Variants in CCDC47 observed in about 807,000 individuals in gnomAD.
The protein encoded by CCDC47 is PAT complex subunit CCDC47.
In CCDC47, 41 loss-of-function variants were observed where a neutral mutation model predicts 60.5. The observed-to-expected ratio is 0.68, with a 90% CI of 0.53 to 0.88. The LOEUF is 0.88. Among genes scored for constraint, CCDC47 ranks in the 40% least tolerant of loss-of-function variants. The pLI, the probability that CCDC47 is intolerant of heterozygous loss-of-function variation, is 0.00. For synonymous variants in CCDC47, 195 were observed against 190.7 expected (o/e 1.02, Z -0.18); for missense variants, 513 against 580.9 (o/e 0.88, Z 1.20).
chr17:63,757,204 A>C (rs916246048), intron 6 of CCDC47, among the ~76,000 whole-genome samples: 15 of 151,396 alleles, frequency 9.9e-5, no homozygotes, highest in African/African-American at 3.2e-4. Context: ...GTACAAAAAA[A>C]AAAAAAAAGA....
In CCDC47 at chr17:63,765,990, A is replaced by G. The variant is rs2039294961; in HGVS notation, c.186T>C (p.Asp62=). The G allele has an allele frequency of 6.2e-7, 1 of 1,613,970 alleles. No homozygotes were observed. Among genetic ancestry groups the G allele is most frequent in the South Asian group, 1.1e-5 (1 of 91,090 alleles). Residue 62 remains aspartate, a synonymous_variant, in exon 2 of 13, where the codon GAT becomes GAC. Transcript: ENST00000225726. ...ACTCCACAGTGGTCTCATCTTCATC[A>G]TCTTCAGTGATTATGACCCGTTGAG... is the stretch of plus-strand genomic sequence containing the variant. ...ESPQRVIITE[D]DEDETTVELE...
chr17:63,772,313 G>C (rs1480136822), intron 1 of CCDC47, among the ~76,000 whole-genome samples: 1 of 145,062 alleles, frequency 6.9e-6, no homozygotes, highest in Non-Finnish European at 1.5e-5. Flanking sequence ...GAGTGCAGTG[G>C]CACGATCTCG....
intron 4 of CCDC47, chr17:63,761,628 C>T (rs1244588218): frequency 2.2e-5 from 5 of 222,576 alleles, no homozygotes; most frequent in Admixed American, 1.7e-4. Flanking sequence ...ACCCGGCAGG[C>T]GGAGGTTGCA....
intron 1 of CCDC47, among the ~76,000 whole-genome samples, chr17:63,772,250 G>GTTTTTTT (rs34509265): frequency 1.1e-5 from 1 of 90,534 alleles, no homozygotes; most frequent in Non-Finnish European, 2.0e-5. Context: ...TGTACCAAGG[G>GTTTTTTT]TTTTTTTTTT....
rs752125567 is a variant in CCDC47, at chr17:63,746,834, A to G, written c.*47T>C. The G allele has an allele frequency of 1.1e-5, 15 of 1,382,070 alleles. No individual in the cohort carries two copies. Among genetic ancestry groups the G allele is most frequent in the East Asian group, 6.9e-5 (3 of 43,726 alleles). 85.6% of individuals were successfully genotyped at this position (1,382,070 alleles called of 1,614,324 possible). A position where few individuals can be genotyped will look rare whatever the true frequency, so the allele number is the denominator to read the frequency against. On this transcript the variant is annotated 3_prime_UTR_variant, in exon 13 of 13. Transcript: ENST00000225726. ...CTGGCGTTTTTCATGTTTCCTGTGA[A>G]TTCAGAGCTTACAGGTGGCATCAGA...
chr17:63,757,888 G>A (rs1234548154), intron 6 of CCDC47, among the ~76,000 whole-genome samples: 1 of 152,072 alleles, frequency 6.6e-6, no homozygotes, highest in Non-Finnish European at 1.5e-5. Flanking sequence ...TTAGCCTCAG[G>A]ATGGTGCCGA....
chr17:63,764,064 A>T lies in CCDC47; in HGVS notation c.499T>A (p.Trp167Arg). 6.2e-7 allele frequency: 1 copy of T among 1,612,622 alleles called. No homozygotes were observed. Among genetic ancestry groups the T allele is most frequent in the Non-Finnish European group, 8.5e-7 (1 of 1,179,702 alleles). Residue 167 changes from tryptophan to arginine, a missense_variant, in exon 4 of 13, where the codon TGG becomes AGG. Coordinates refer to ENST00000225726, the MANE Select transcript of CCDC47 (RefSeq NM_020198.3). ...AAAAGCTCCCTATGAGTGTTAAACC[A>T]GGCCTGTGCAAGGCGACTGTTTTTA... The part of the protein sequence containing the change: ...KNKNSRLAQA[W>R]FNTHRELLES...
intron 4 of CCDC47, 175 bp from the exon 5 acceptor site, chr17:63,761,526 A>AG (rs1364430598): frequency 2.0e-5 from 9 of 459,148 alleles, no homozygotes; most frequent in Non-Finnish European, 3.3e-5. Context: ...CTAAAAAAAA[A>AG]AAAAAAAAAA....
chr17:63,761,624 C>T, intron 4 of CCDC47: 1 of 229,886 alleles, frequency 4.3e-6, no homozygotes, highest in Non-Finnish European at 8.1e-6. Context: ...TTGAACCCGG[C>T]AGGCGGAGGT....
At position 63,768,675 on chromosome 17, in the gene CCDC47, C is replaced by T. The variant is rs920740279; in HGVS notation, c.-19-2481G>A. Among the ~76,000 whole-genome samples the T allele has an allele frequency of 2.0e-5, 3 of 152,032 alleles. 1 individual carries two copies. Among genetic ancestry groups the T allele is most frequent in the Admixed American group, 2.0e-4 (3 of 15,250 alleles). On this transcript the variant is annotated intron_variant, in intron 1 of 12. Transcript: ENST00000225726. ...TGCTAATGCATTCCAGCCTGGGTGA[C>T]AGTGAAACGTGCCTCAAAACAAAAC...
In CCDC47 at chr17:63,765,704, C is replaced by A. The variant is rs1002473782; in HGVS notation, c.264+208G>T. The stretch of plus-strand genomic sequence containing the variant: ...CAGTATCTATTCTCTAACCCCTCTT[C>A]CAGTCAGGGTTTCAATAGAAGAACA... On this transcript the variant is annotated intron_variant, in intron 2 of 12. Transcript: ENST00000225726. 1.1e-5 allele frequency: 15 copies of A among 1,381,000 alleles called. No homozygotes were observed. The East Asian group carries it at 3.8e-4, about 35-fold the overall frequency. The allele number at this position is 1,381,000 out of a possible 1,614,324, so 85.5% of individuals were successfully genotyped here.
intron 12 of CCDC47, chr17:63,751,681 T>A (rs965027598): frequency 7.0e-6 from 4 of 569,146 alleles, no homozygotes; most frequent in African/African-American, 5.6e-5. Context: ...CGAAAACTGA[T>A]AATGGAATTT....
At chr17:63,747,056 G>C in intron 12 of CCDC47, 95 bp from the exon 13 acceptor site, 1 of 1,532,252 alleles carries the variant, frequency 6.5e-7, no homozygotes. Context: ...ATCCAAATTA[G>C]AATACTGCCT....
chr17:63,773,582 C>G lies in CCDC47; in HGVS notation c.-190G>C, dbSNP rs1420231996. ...CACGCCGCGCCTCTCTTCACGTAGC[C>G]TCCGCCGTCCGTTACGTAGAATGCG... On this transcript the variant is annotated 5_prime_UTR_variant, in exon 1 of 13. Coordinates refer to ENST00000225726, the MANE Select transcript of CCDC47 (RefSeq NM_020198.3). 2 of 152,316 alleles carry G rather than the reference C, an allele frequency of 1.3e-5. No homozygotes were observed. The highest frequency in any genetic ancestry group is 2.4e-5 in the African/African-American group (1 of 41,472). 9.4% of individuals were successfully genotyped at this position (152,316 alleles called of 1,614,324 possible).
chr17:63,766,028 C>G lies in CCDC47; in HGVS notation c.148G>C (p.Val50Leu), dbSNP rs1246915964. 2 of 1,613,936 alleles carry G rather than the reference C, an allele frequency of 1.2e-6. No individual in the cohort carries two copies. The highest frequency in any genetic ancestry group is 1.7e-6 in the Non-Finnish European group (2 of 1,179,996). The change falls in exon 2 of 13, where the codon GTT becomes CTT. Residue 50 changes from valine (V) to leucine (L), a missense_variant. Coordinates refer to ENST00000225726, the MANE Select transcript of CCDC47 (RefSeq NM_020198.3). ...AEFEDVMEDS[V>L]TESPQRVIIT... ...ATGACCCGTTGAGGAGATTCAGTAA[C>G]AGAGTCTTCCATGACATCCTCAAAT... is the stretch of plus-strand genomic sequence containing the variant.
chr17:63,746,940 G>A lies in CCDC47; in HGVS notation c.1393C>T (p.Gln465Ter). The change falls in exon 13 of 13, where the codon CAA becomes TAA. Residue 465 changes from glutamine (Q) to a stop codon, truncating the protein, a stop_gained. Coordinates refer to ENST00000225726, the MANE Select transcript of CCDC47 (RefSeq NM_020198.3). LOFTEE classifies it high-confidence loss of function. The stretch of plus-strand genomic sequence containing the variant: ...ATTTGCTTCTTTTCCAACTTCTTTT[G>A]CTCACGCCTCAATGCAGCCTCCTAG... ...RLEEAALRRE[Q>*]KKLEKKQMKM... 6.2e-7 allele frequency: 1 copy of A among 1,613,286 alleles called. No individual in the cohort carries two copies. The highest frequency in any genetic ancestry group is 8.5e-7 in the Non-Finnish European group (1 of 1,179,670).
intron 1 of CCDC47, chr17:63,772,989 G>A (rs2039361465): frequency 1.3e-5 from 2 of 152,246 alleles, no homozygotes; most frequent in Admixed American, 1.3e-4. Context: ...AAAGAGGACT[G>A]AGTGAGGCCA....
In CCDC47 at chr17:63,752,082, C is replaced by T. The variant is rs369154855; in HGVS notation, c.1229G>A (p.Arg410His). 1.9e-6 allele frequency: 3 copies of T among 1,613,558 alleles called. No individual in the cohort carries two copies. The highest frequency in any genetic ancestry group is 1.7e-5 in the Admixed American group (1 of 59,946). ...CAAGAAGTTCTCTTCTACTCGGGCA[C>T]GGTTCTTATCTGCTTTTTGTTTGCC... ...REGKQKADKN[R>H]ARVEENFLKL... The change falls in exon 12 of 13, where the codon CGT becomes CAT. Residue 410 changes from arginine to histidine, a missense_variant. Arg to His is a conservative substitution (Grantham distance 29, BLOSUM62 0). Transcript: ENST00000225726.
rs1244020016 is a variant in CCDC47, at chr17:63,761,339, G to A, written c.560C>T (p.Thr187Ile). Residue 187 changes from threonine (T) to isoleucine (I), a missense_variant, in exon 5 of 13, where the codon ACT becomes ATT. Thr to Ile is a moderately conservative substitution (Grantham distance 89). Coordinates refer to ENST00000225726, the MANE Select transcript of CCDC47 (RefSeq NM_020198.3). ...TCCTGTGCTTGTGGCTTCTTTGTTA[G>A]TTCCATCATCCCCTAGGGGTAAAAC... ...SNFTLVGDDG[T>I]NKEATSTGKL... The A allele has an allele frequency of 6.2e-7, 1 of 1,613,744 alleles. No homozygotes were observed. The highest frequency in any genetic ancestry group is 1.1e-5 in the South Asian group (1 of 91,064).
Sources: gnomAD v4.1 joint callset for allele counts (sites outside exome capture counted in the v4.1 genomes callset) on GRCh38, gnomAD v4.1.1 for gene constraint, MANE v1.5 for transcripts, NCBI Gene and HGNC (gene_info 2026-07-23, HGNC 2026-07-21) for gene names.